Variants in TAF2 observed in about 807,000 individuals in gnomAD.
TAF2 encodes TATA-box binding protein associated factor 2.
In TAF2, 61 loss-of-function variants were observed where a neutral mutation model predicts 138.5. That is an observed-to-expected ratio of 0.44 (90% CI 0.36 to 0.54). The LOEUF (loss-of-function observed/expected upper bound fraction) is 0.54. Among genes scored for constraint, TAF2 ranks in the 20% least tolerant of loss-of-function variants. The probability of loss-of-function intolerance (pLI) is 0.00; values close to 1 mark genes in which losing one functional copy is unlikely to be tolerated. For missense variants in TAF2, 1,090 were observed against 1,427.9 expected (o/e 0.76, Z 3.81); for synonymous variants, 475 against 469.9 (o/e 1.01, Z -0.14).
At chr8:119,737,798 G>A (rs1030082706) in intron 25 of TAF2, among the ~76,000 whole-genome samples, 22 of 151,970 alleles carry the variant, frequency 1.4e-4, no homozygotes, top group Non-Finnish European at 2.5e-4. Context: ...GTGAGCCACC[G>A]TGCCTGGCCT....
rs539801499 is a variant in TAF2, at chr8:119,803,000, T to C, written c.560+878A>G. 9.2e-5 allele frequency among the ~76,000 whole-genome samples: 14 copies of C among 151,898 alleles called. No individual in the cohort carries two copies. In the South Asian group the frequency reaches 2.9e-3, roughly 32 times the overall value. ...GGTGGCACATGCCTGTAGTCCCAGCTACTTAGGAGGATAGGTAGGAGAATC... is the reference window on the plus strand; with the variant it reads ...GGTGGCACATGCCTGTAGTCCCAGCCACTTAGGAGGATAGGTAGGAGAATC... On this transcript the variant is annotated intron_variant, in intron 5 of 25. Transcript: ENST00000378164.
chr8:119,803,066 A>G (rs1824374273), intron 5 of TAF2, among the ~76,000 whole-genome samples: 1 of 151,930 alleles, frequency 6.6e-6, no homozygotes, highest in African/African-American at 2.4e-5. Context: ...AGCCAAGATT[A>G]TGCCACTGCA....
intron 18 of TAF2, among the ~76,000 whole-genome samples, chr8:119,774,397 C>G (rs1289003168): frequency 6.6e-6 from 1 of 152,110 alleles, no homozygotes; most frequent in African/African-American, 2.4e-5. Flanking sequence ...CAAAGACTAT[C>G]TACACCAAGC....
intron 14 of TAF2, among the ~76,000 whole-genome samples, chr8:119,787,034 A>G (rs756344353): frequency 6.6e-6 from 1 of 152,246 alleles, no homozygotes; most frequent in African/African-American, 2.4e-5. Flanking sequence ...CATTGGCAAC[A>G]AAAGTCAAAA....
intron 10 of TAF2, chr8:119,791,744 A>C: frequency 3.0e-6 from 1 of 337,800 alleles, no homozygotes; most frequent in Non-Finnish European, 5.6e-6. Context: ...CCATCAATAC[A>C]ATCAGTGCAA....
chr8:119,761,340 C>T (rs1199368317), intron 19 of TAF2, among the ~76,000 whole-genome samples: 2 of 152,132 alleles, frequency 1.3e-5, no homozygotes, highest in Non-Finnish European at 1.5e-5. Flanking sequence ...ATACAGCAGG[C>T]TACACCATCT....
chr8:119,781,316 A>G (rs1822635895), intron 16 of TAF2, 123 bp from the exon 17 acceptor site: 1 of 1,088,578 alleles, frequency 9.2e-7, no homozygotes, highest in Non-Finnish European at 1.3e-6. Context: ...TTCACTTCTC[A>G]GAAATTTATA....
rs1457682290 is a variant in TAF2 at position 119,832,602 on chromosome 8, G to C, written c.-38C>G. The stretch of plus-strand genomic sequence containing the variant: ...CGGAGCTTGGCTTCCCGGCTTCCTA[G>C]GGGGATACGGGGCATTACTAGTCTT... On this transcript the variant is annotated 5_prime_UTR_variant, in exon 1 of 26. Coordinates refer to ENST00000378164, the MANE Select transcript of TAF2 (RefSeq NM_003184.4). 3 of 1,585,488 alleles carry C rather than the reference G, an allele frequency of 1.9e-6. No individual in the cohort carries two copies. Among genetic ancestry groups the C allele is most frequent in the South Asian group, 1.1e-5 (1 of 90,506 alleles).
At chr8:119,788,713 G>A in intron 13 of TAF2, 77 bp downstream of exon 13, 2 of 1,032,122 alleles carry the variant, frequency 1.9e-6, no homozygotes, top group South Asian at 2.5e-5. Flanking sequence ...TTTCTAAGTA[G>A]TAACCCATCC....
rs761308702 is a variant in TAF2, at chr8:119,795,666, T to A, written c.1092-35A>T. 1.9e-6 allele frequency: 3 copies of A among 1,548,232 alleles called. No individual in the cohort carries two copies. The East Asian group carries it at 6.8e-5, about 35-fold the overall frequency. On this transcript the variant is annotated intron_variant, in intron 8 of 25. Coordinates refer to ENST00000378164, the MANE Select transcript of TAF2 (RefSeq NM_003184.4). ...AAGTCAAAGCATAAATTACTTTTAATCATAAAAACTCCTCAGATAATGTCA... is the reference window on the plus strand; with the variant it reads ...AAGTCAAAGCATAAATTACTTTTAAACATAAAAACTCCTCAGATAATGTCA...
intron 20 of TAF2, among the ~76,000 whole-genome samples, chr8:119,760,280 G>C (rs556565837): frequency 6.6e-6 from 1 of 152,134 alleles, no homozygotes; most frequent in South Asian, 2.1e-4. Context: ...TTTTATACAG[G>C]TGTGAGATGT....
At chr8:119,756,827 A>G (rs1397454623) in intron 21 of TAF2, among the ~76,000 whole-genome samples, 1 of 152,174 alleles carries the variant, frequency 6.6e-6, no homozygotes, top group Non-Finnish European at 1.5e-5. Context: ...TGGAAAAGAA[A>G]ACATCCACTG....
chr8:119,769,742 G>A (rs1308848055), intron 18 of TAF2, among the ~76,000 whole-genome samples: 2 of 150,520 alleles, frequency 1.3e-5, no homozygotes, highest in Admixed American at 6.6e-5. Flanking sequence ...CTGGTCTTTC[G>A]AATTAACCCA....
At chr8:119,767,977 T>C (rs1208866291) in intron 18 of TAF2, among the ~76,000 whole-genome samples, 1 of 152,188 alleles carries the variant, frequency 6.6e-6, no homozygotes, top group African/African-American at 2.4e-5. Context: ...TGAGCACGTT[T>C]GCATGTCCCC....
chr8:119,758,665 A>G lies in TAF2; in HGVS notation c.2699-523T>C, dbSNP rs115340297. Reference sequence around the variant, plus strand: ...AAAAATAGTGCTATGAATATAGTTGACATAAAATGACTAGCTATTTCCATT... The same window carrying G: ...AAAAATAGTGCTATGAATATAGTTGGCATAAAATGACTAGCTATTTCCATT... On this transcript the variant is annotated intron_variant, in intron 20 of 25. Transcript: ENST00000378164. Among the ~76,000 whole-genome samples the G allele has an allele frequency of 7.5e-3, 1,147 of 152,290 alleles. 17 individuals are homozygous for G. The highest frequency in any genetic ancestry group is 0.026 in the African/African-American group (1,087 of 41,582).
intron 9 of TAF2, among the ~76,000 whole-genome samples, chr8:119,793,833 A>G (rs1191565364): frequency 6.6e-6 from 1 of 151,166 alleles, no homozygotes; most frequent in Non-Finnish European, 1.5e-5. Context: ...TATCATTTTA[A>G]AACTTCTCCA....
chr8:119,772,542 C>A (rs966877563), intron 18 of TAF2, among the ~76,000 whole-genome samples: 3 of 152,078 alleles, frequency 2.0e-5, no homozygotes, highest in Non-Finnish European at 4.4e-5. Context: ...AAGTCCAAAC[C>A]CAACTGTTAG....
intron 20 of TAF2, among the ~76,000 whole-genome samples, chr8:119,758,680 C>T (rs941523622): frequency 6.6e-6 from 1 of 152,124 alleles, no homozygotes; most frequent in Non-Finnish European, 1.5e-5. Flanking sequence ...AAATGACTAG[C>T]TATTTCCATT....
chr8:119,808,334 C>T (rs1308545930), intron 3 of TAF2, among the ~76,000 whole-genome samples: 2 of 152,202 alleles, frequency 1.3e-5, no homozygotes, highest in African/African-American at 2.4e-5. Context: ...AAAGTTGTAT[C>T]ATGAGACTGC....
Sources: allele counts gnomAD v4.1 joint callset (sites outside exome capture counted in the v4.1 genomes callset), GRCh38; gene constraint gnomAD v4.1.1; transcripts MANE v1.5; gene names NCBI Gene and HGNC (gene_info 2026-07-23, HGNC 2026-07-21).